The following LRRC37A2 variants were observed in gnomAD, a reference collection of about 807,000 sequenced individuals.
LRRC37A2 encodes leucine rich repeat containing 37 member A2.
LRRC37A2 carries 9 observed loss-of-function variants against 68.8 expected under a neutral mutation model. That is an observed-to-expected ratio of 0.13 (90% CI 0.08 to 0.23). The LOEUF is 0.23. Among genes scored for constraint, LRRC37A2 ranks in the 10% least tolerant of loss-of-function variants. The pLI, the probability that LRRC37A2 is intolerant of heterozygous loss-of-function variation, is 1.00. For missense variants in LRRC37A2, 168 were observed against 950.4 expected (o/e 0.18, Z 10.82); for synonymous variants, 63 against 367.6 (o/e 0.17, Z 9.48).
the LRRC37A2 span, among the ~76,000 whole-genome samples, chr17:46,630,972 A>G: frequency 6.5e-5 from 9 of 137,828 alleles, 1 homozygote; most frequent in African/African-American, 2.7e-4. Context: ...GAATTTCTGT[A>G]TACTACCTTT....
the LRRC37A2 span, among the ~76,000 whole-genome samples, chr17:47,005,013 ATTAGTG>A: frequency 9.8e-5 from 15 of 152,288 alleles, no homozygotes; most frequent in Admixed American, 9.8e-4. Context: ...TTAGTCCAAT[ATTAGTG>A]TTACAGAGAA....
At chr17:46,990,300 C>G in the LRRC37A2 span, among the ~76,000 whole-genome samples, 1 of 152,302 alleles carries the variant, frequency 6.6e-6, no homozygotes, top group East Asian at 1.9e-4. Flanking sequence ...AAATTAAATC[C>G]CCCTTTATGG....
At chr17:46,769,453 AT>A in the LRRC37A2 span, among the ~76,000 whole-genome samples, 2 of 152,222 alleles carry the variant, frequency 1.3e-5, no homozygotes, top group Non-Finnish European at 1.5e-5. Flanking sequence ...TGGAGGCTGA[AT>A]TCAAAGCCAG....
At chr17:46,769,388 T>A in the LRRC37A2 span, among the ~76,000 whole-genome samples, 1 of 150,366 alleles carries the variant, frequency 6.7e-6, no homozygotes, top group South Asian at 2.1e-4. Context: ...ATGGGGAAAC[T>A]GAGGCTGGGA....
chr17:47,032,422 T>C, the LRRC37A2 span, among the ~76,000 whole-genome samples: 65 of 152,294 alleles, frequency 4.3e-4, no homozygotes, highest in African/African-American at 1.4e-3. Flanking sequence ...ACACGGCTAA[T>C]AAGTGGCAGA....
chr17:46,923,266 C>T, the LRRC37A2 span: 7 of 1,550,112 alleles, frequency 4.5e-6, no homozygotes, highest in Non-Finnish European at 6.1e-6. Flanking sequence ...CGAGGCGAGG[C>T]CAGGTGAGCC....
the LRRC37A2 span, among the ~76,000 whole-genome samples, chr17:46,834,633 C>T: frequency 6.6e-6 from 1 of 152,160 alleles, no homozygotes; most frequent in Non-Finnish European, 1.5e-5. Context: ...AGGCTGGGCA[C>T]AGGCTTGGTC....
At chr17:46,935,597 G>A in the LRRC37A2 span, 1 of 1,068,790 alleles carries the variant, frequency 9.4e-7, no homozygotes, top group Non-Finnish European at 1.1e-6. Flanking sequence ...AAAACCTTTT[G>A]TATTTTAGTA....
At chr17:46,941,852 C>G in the LRRC37A2 span, 2 of 846,388 alleles carry the variant, frequency 2.4e-6, no homozygotes, top group African/African-American at 3.7e-5. Context: ...TCCCAAAGTT[C>G]TAGGGTTACA....
At chr17:46,545,204 G>A (rs1243410102) in intron 8 of LRRC37A2, among the ~76,000 whole-genome samples, 2 of 136,036 alleles carry the variant, frequency 1.5e-5, no homozygotes, top group Non-Finnish European at 3.1e-5. Flanking sequence ...GGCCGAGGTG[G>A]GAGGATTGCT....
At chr17:46,938,402 G>A in the LRRC37A2 span, among the ~76,000 whole-genome samples, 8 of 152,120 alleles carry the variant, frequency 5.3e-5, no homozygotes, top group African/African-American at 1.4e-4. Context: ...TTTCCACTTA[G>A]CGTTGCTCTG....
At chr17:46,869,412 G>A in the LRRC37A2 span, among the ~76,000 whole-genome samples, 3 of 152,322 alleles carry the variant, frequency 2.0e-5, no homozygotes, top group African/African-American at 7.2e-5. Flanking sequence ...TGGGCATCGC[G>A]GACATTGTGG....
chr17:46,928,120 A>G, the LRRC37A2 span, among the ~76,000 whole-genome samples: 3 of 151,974 alleles, frequency 2.0e-5, no homozygotes, highest in Non-Finnish European at 4.4e-5. Flanking sequence ...TACTTTCCGG[A>G]AGCAACGGCC....
chr17:46,533,510 T>C (rs1265534116), intron 6 of LRRC37A2, among the ~76,000 whole-genome samples: 14 of 146,410 alleles, frequency 9.6e-5, no homozygotes, highest in Admixed American at 4.0e-4. Flanking sequence ...TTTTTTTTTT[T>C]CTTTATTTTG....
the LRRC37A2 span, among the ~76,000 whole-genome samples, chr17:46,687,423 A>G: frequency 6.6e-6 from 1 of 151,354 alleles, no homozygotes; most frequent in Non-Finnish European, 1.5e-5. Flanking sequence ...ATTCCCTTGT[A>G]TCTTTTCCCT....
the LRRC37A2 span, among the ~76,000 whole-genome samples, chr17:46,925,271 A>G: frequency 1.3e-5 from 2 of 152,228 alleles, no homozygotes; most frequent in Non-Finnish European, 2.9e-5. Flanking sequence ...GTACAATTTT[A>G]TTTATCAAAA....
At chr17:46,926,252 G>C in the LRRC37A2 span, among the ~76,000 whole-genome samples, 1 of 152,144 alleles carries the variant, frequency 6.6e-6, no homozygotes, top group Non-Finnish European at 1.5e-5. Flanking sequence ...TGACCAGATT[G>C]TTGCCACTAC....
the LRRC37A2 span, chr17:46,773,812 G>A: frequency 3.1e-6 from 5 of 1,613,422 alleles, no homozygotes; most frequent in Non-Finnish European, 4.2e-6. Context: ...ATGTAATTGC[G>A]GCAGAAGCGC....
the LRRC37A2 span, among the ~76,000 whole-genome samples, chr17:46,794,240 T>C: frequency 3.3e-5 from 5 of 152,040 alleles, no homozygotes; most frequent in African/African-American, 7.2e-5. Context: ...TTCTGGGACA[T>C]TGATGTCACA....
Sources: gnomAD v4.1 joint callset for allele counts (sites outside exome capture counted in the v4.1 genomes callset) on GRCh38, gnomAD v4.1.1 for gene constraint, MANE v1.5 for transcripts, NCBI Gene and HGNC (gene_info 2026-07-23, HGNC 2026-07-21) for gene names.